EXT1: variants seen among roughly 807,000 people sequenced by gnomAD.
The protein encoded by EXT1 is exostosin glycosyltransferase 1, also known as exostosin-1.
In EXT1, 20 loss-of-function variants were observed where a neutral mutation model predicts 82.5. That is an observed-to-expected ratio of 0.24 (90% confidence interval 0.17 to 0.35). The LOEUF (loss-of-function observed/expected upper bound fraction) is 0.35, where lower values mean the gene tolerates loss of function less well. Ranked by LOEUF, EXT1 falls within the 10% of genes least tolerant of loss-of-function variation. The probability of loss-of-function intolerance (pLI) is 1.00; values close to 1 mark genes in which losing one functional copy is unlikely to be tolerated. For missense variants in EXT1, 757 were observed against 936.5 expected (o/e 0.81, Z 2.50); for synonymous variants, 348 against 350.8 (o/e 0.99, Z 0.09).
intron 1 of EXT1, among the ~76,000 whole-genome samples, chr8:117,943,994 A>G (rs1814336895): frequency 5.9e-5 from 9 of 152,142 alleles, no homozygotes; most frequent in Non-Finnish European, 4.4e-5. Flanking sequence ...TCTAGTTTCA[A>G]CTACCTTTCT....
intron 1 of EXT1, among the ~76,000 whole-genome samples, chr8:117,909,131 C>CAAA (rs34555532): frequency 6.8e-6 from 1 of 147,728 alleles, no homozygotes. Flanking sequence ...GACTCTGTCT[C>CAAA]AAAAAAAAAA....
At chr8:117,958,746 C>T (rs1238403517) in intron 1 of EXT1, among the ~76,000 whole-genome samples, 1 of 152,158 alleles carries the variant, frequency 6.6e-6, no homozygotes, top group Non-Finnish European at 1.5e-5. Context: ...ACTACCTGCA[C>T]ATAGAACTAG....
chr8:117,948,216 G>C (rs950795927), intron 1 of EXT1, among the ~76,000 whole-genome samples: 13 of 148,436 alleles, frequency 8.8e-5, no homozygotes, highest in African/African-American at 2.7e-4. Context: ...GTGCTCTGAA[G>C]TAGTAGCAGG....
At chr8:118,000,362 T>C (rs2129808508) in intron 1 of EXT1, among the ~76,000 whole-genome samples, 1 of 152,088 alleles carries the variant, frequency 6.6e-6, no homozygotes, top group South Asian at 2.1e-4. Flanking sequence ...TTTAGAAAAA[T>C]GCATAGCATC....
chr8:118,078,388 G>A (rs1371845914), intron 1 of EXT1, among the ~76,000 whole-genome samples: 1 of 151,240 alleles, frequency 6.6e-6, no homozygotes, highest in Non-Finnish European at 1.5e-5. Flanking sequence ...TAGTAGAAAC[G>A]GGGTTTCACC....
chr8:117,884,707 A>G (rs1340411997), intron 1 of EXT1, among the ~76,000 whole-genome samples: 1 of 151,988 alleles, frequency 6.6e-6, no homozygotes, highest in Non-Finnish European at 1.5e-5. Context: ...TCCCACTAAC[A>G]CTTAAATATT....
chr8:118,103,905 A>T (rs549823830), intron 1 of EXT1, among the ~76,000 whole-genome samples: 3 of 152,376 alleles, frequency 2.0e-5, no homozygotes, highest in South Asian at 4.1e-4. Context: ...AAACATGTTC[A>T]TAAAGTAAAG....
chr8:117,940,947 G>A (rs933109428), intron 1 of EXT1, among the ~76,000 whole-genome samples: 5 of 152,102 alleles, frequency 3.3e-5, no homozygotes, highest in African/African-American at 1.2e-4. Flanking sequence ...TGATATGGGG[G>A]TCTCCATGGG....
chr8:118,079,544 G>A (rs911000155), intron 1 of EXT1, among the ~76,000 whole-genome samples: 2 of 152,192 alleles, frequency 1.3e-5, no homozygotes, highest in African/African-American at 2.4e-5. Context: ...GCCGGCTGGT[G>A]TTTTTGTACT....
At chr8:117,836,291 C>T (rs143875920) in intron 2 of EXT1, among the ~76,000 whole-genome samples, 2 of 152,278 alleles carry the variant, frequency 1.3e-5, no homozygotes, top group African/African-American at 4.8e-5. Context: ...ATGCAGAACA[C>T]ACACAGAGAG....
intron 1 of EXT1, among the ~76,000 whole-genome samples, chr8:117,888,864 C>A (rs1354342536): frequency 6.6e-6 from 1 of 152,176 alleles, no homozygotes; most frequent in Non-Finnish European, 1.5e-5. Context: ...GTAAGTAATG[C>A]TGCCTATCTT....
At chr8:117,811,618 ATTT>A (rs111956885) in intron 8 of EXT1, among the ~76,000 whole-genome samples, 1 of 143,030 alleles carries the variant, frequency 7.0e-6, no homozygotes, top group Non-Finnish European at 1.5e-5. Context: ...CATCTATGGA[ATTT>A]TTTTTTTTTT....
At chr8:117,827,784 C>CAAAAAAAAAAAAAAAAAAAAAAAA (rs768731740) in intron 4 of EXT1, among the ~76,000 whole-genome samples, 4 of 54,140 alleles carry the variant, frequency 7.4e-5, no homozygotes, top group African/African-American at 3.2e-4. Flanking sequence ...GACTCTGTCT[C>CAAAAAAAAAAAAAAAAAAAAAAAA]AAAAAAAAAA....
At chr8:117,960,899 C>T (rs1163572083) in intron 1 of EXT1, among the ~76,000 whole-genome samples, 2 of 152,068 alleles carry the variant, frequency 1.3e-5, no homozygotes, top group Non-Finnish European at 2.9e-5. Flanking sequence ...GGGAAAAACA[C>T]GACAGCAATG....
At chr8:117,972,147 A>AC (rs1814953957) in intron 1 of EXT1, among the ~76,000 whole-genome samples, 1 of 138,768 alleles carries the variant, frequency 7.2e-6, no homozygotes, top group Non-Finnish European at 1.6e-5. Context: ...CAAAACTCCA[A>AC]CAAAAAAAAA....
At chr8:118,057,975 GAA>G (rs1173695009) in intron 1 of EXT1, among the ~76,000 whole-genome samples, 5 of 59,390 alleles carry the variant, frequency 8.4e-5, no homozygotes, top group African/African-American at 2.2e-4. Context: ...CATCTCAAAA[GAA>G]AAAAAAAAAA....
rs189085332 is a variant in EXT1, at chr8:117,839,388, G to A, written c.963-2187C>T. Among the ~76,000 whole-genome samples, 19 of 152,250 alleles carry A rather than the reference G, an allele frequency of 1.2e-4. No homozygotes were observed. The East Asian group carries it at 3.5e-3, about 28-fold the overall frequency. On this transcript the variant is annotated intron_variant, in intron 1 of 10. Coordinates refer to ENST00000378204, the MANE Select transcript of EXT1 (RefSeq NM_000127.3). ...GAATGTCCTTTGAGAATATCCCACT[G>A]CTTAGGTGTCCATACCATTATATGT...
intron 7 of EXT1, among the ~76,000 whole-genome samples, chr8:117,816,539 T>C (rs1171909633): frequency 6.6e-6 from 1 of 152,142 alleles, no homozygotes; most frequent in Non-Finnish European, 1.5e-5. Flanking sequence ...CCCACTGGAT[T>C]CAGTGCCCAA....
chr8:117,886,413 G>C (rs888716391), intron 1 of EXT1, among the ~76,000 whole-genome samples: 1 of 152,170 alleles, frequency 6.6e-6, no homozygotes, highest in Non-Finnish European at 1.5e-5. Flanking sequence ...TGGCATGCCA[G>C]TCAATTTGAT....
Sources: allele counts gnomAD v4.1 joint callset (sites outside exome capture counted in the v4.1 genomes callset), GRCh38; gene constraint gnomAD v4.1.1; transcripts MANE v1.5; gene names NCBI Gene and HGNC (gene_info 2026-07-23, HGNC 2026-07-21).